The following JAKMIP3 variants were observed in gnomAD, a reference collection of about 807,000 sequenced individuals.
The protein encoded by JAKMIP3 is janus kinase and microtubule-interacting protein 3.
Under a neutral mutation model 118.5 loss-of-function variants are expected in JAKMIP3, and 58 were observed. The ratio of observed to expected loss-of-function variants is 0.49; its 90% CI spans 0.40 to 0.61. The LOEUF (loss-of-function observed/expected upper bound fraction) is 0.61, where lower values mean the gene tolerates loss of function less well. Ranked by LOEUF, JAKMIP3 falls within the 20% of genes least tolerant of loss-of-function variation. The probability of loss-of-function intolerance (pLI) is 0.00; values close to 1 mark genes in which losing one functional copy is unlikely to be tolerated. For missense variants in JAKMIP3, 950 were observed against 1,109.0 expected, an observed-to-expected ratio of 0.86 and a Z score of 2.04; for synonymous variants, 486 against 451.2, an observed-to-expected ratio of 1.08 and a Z score of -0.98.
chr10:132,154,939 GTGATTATGA>G (rs2056849554), intron 19 of JAKMIP3, among the ~76,000 whole-genome samples: 1 of 147,864 alleles, frequency 6.8e-6, no homozygotes, highest in African/African-American at 2.5e-5. Context: ...GGTGATGATG[GTGATTATGA>G]TGGTGATAAT....
chr10:132,178,319 T>C (rs2060379207), intron 23 of JAKMIP3, among the ~76,000 whole-genome samples: 1 of 152,134 alleles, frequency 6.6e-6, no homozygotes, highest in Non-Finnish European at 1.5e-5. Flanking sequence ...ACTGGTCCCC[T>C]CTGTAGAGTT....
chr10:132,171,655 T>C (rs112678086), intron 23 of JAKMIP3, among the ~76,000 whole-genome samples: 67 of 138,900 alleles, frequency 4.8e-4, no homozygotes, highest in African/African-American at 1.9e-3. Flanking sequence ...TTTCTTTCTT[T>C]TTTTTTTTTT....
At chr10:132,068,064 CGTGTGGACTGTGGGTTTCT>C (rs372773275) in intron 1 of JAKMIP3, among the ~76,000 whole-genome samples, 78,820 of 135,022 alleles carry the variant, frequency 0.58, 23,345 homozygotes, top group Admixed American at 0.7. Context: ...TGTGGGCTTC[CGTGTGGACTGTGGGTTTCT>C]GTGTGGACTG....
At chr10:132,073,061 GTTTCTGCAAAAGACATGA>G (rs1373149540) in intron 1 of JAKMIP3, among the ~76,000 whole-genome samples, 1 of 152,176 alleles carries the variant, frequency 6.6e-6, no homozygotes, top group African/African-American at 2.4e-5. Context: ...TTCTATTCAT[GTTTCTGCAAAAGACATGA>G]TTTCATTCTT....
At chr10:132,109,959 C>T (rs898277219) in intron 2 of JAKMIP3, among the ~76,000 whole-genome samples, 3 of 152,166 alleles carry the variant, frequency 2.0e-5, no homozygotes, top group South Asian at 2.1e-4. Context: ...TTACTGTGTC[C>T]GTGCCAAAAG....
At chr10:132,135,802 A>G in intron 5 of JAKMIP3, 128 bp from the exon 6 acceptor site, 1 of 1,008,704 alleles carries the variant, frequency 9.9e-7, no homozygotes, top group Non-Finnish European at 1.4e-6. Context: ...GGAGGCGTGG[A>G]CTTCCCAAGT....
intron 10 of JAKMIP3, among the ~76,000 whole-genome samples, chr10:132,141,524 CAGCAG>C (rs2053516887): frequency 6.6e-6 from 1 of 152,170 alleles, no homozygotes; most frequent in African/African-American, 2.4e-5. Context: ...GGACGTGTTT[CAGCAG>C]AGCAGAGCGT....
chr10:132,151,306 T>A (rs1333098642), intron 16 of JAKMIP3, among the ~76,000 whole-genome samples: 1 of 152,194 alleles, frequency 6.6e-6, no homozygotes, highest in Non-Finnish European at 1.5e-5. Flanking sequence ...CCTCCATCCA[T>A]CCATCTATCC....
intron 16 of JAKMIP3, among the ~76,000 whole-genome samples, chr10:132,150,615 C>T (rs535474286): frequency 1.5e-4 from 23 of 152,278 alleles, no homozygotes; most frequent in South Asian, 8.3e-4. Context: ...TATATCCATC[C>T]ATCTATCTAT....
upstream of JAKMIP3, among the ~76,000 whole-genome samples, chr10:132,060,362 G>C (rs2038357339): frequency 6.6e-6 from 1 of 152,234 alleles, no homozygotes; most frequent in Non-Finnish European, 1.5e-5. Flanking sequence ...GGCAGGCTCT[G>C]AAGAGACAGG....
In JAKMIP3 at chr10:132,112,301, G is replaced by A. The variant is rs193038502; in HGVS notation, c.136-4776G>A. On this transcript the variant is annotated intron_variant, in intron 2 of 23. Coordinates refer to ENST00000684848, the MANE Select transcript of JAKMIP3 (RefSeq NM_001323087.2). This position sits in a 1 kb window ranked among gnomAD's most constrained non-coding sequence, Gnocchi z 4.3. The stretch of plus-strand genomic sequence containing the variant: ...GGTGTGGGAGCGGGGTCTCCGGGTG[G>A]TGGGAGATGCTGCCCAGAGAACAGT... Among the ~76,000 whole-genome samples the A allele has an allele frequency of 6.4e-3, 976 of 152,104 alleles. 10 individuals carry two copies. Among genetic ancestry groups the A allele is most frequent in the Non-Finnish European group, 9.9e-3 (671 of 67,956 alleles).
chr10:132,182,565 G>A lies in JAKMIP3; in HGVS notation c.*1312G>A, dbSNP rs2061589589. 6.6e-6 allele frequency: 1 copy of A among 152,224 alleles called. No individual in the cohort carries two copies. The highest frequency in any genetic ancestry group is 2.4e-5 in the African/African-American group (1 of 41,448). The allele number at this position is 152,224 out of a possible 1,614,324, so 9.4% of individuals were successfully genotyped here. On this transcript the variant is annotated 3_prime_UTR_variant, in exon 24 of 24. Transcript: ENST00000684848. The stretch of plus-strand genomic sequence containing the variant: ...GAGGTGTGTGTGTGTGCTCACTTGT[G>A]TGCACAAGCATGCGTTTATGCATGT...
intron 17 of JAKMIP3, among the ~76,000 whole-genome samples, chr10:132,153,319 C>G (rs1292335334): frequency 6.6e-6 from 1 of 152,186 alleles, no homozygotes; most frequent in Non-Finnish European, 1.5e-5. Context: ...TTCAACTTAC[C>G]CTGACCCCCT....
At chr10:132,051,612 TC>T in intron 1 of JAKMIP3, among the ~76,000 whole-genome samples, 1 of 152,104 alleles carries the variant, frequency 6.6e-6, no homozygotes, top group Non-Finnish European at 1.5e-5. Flanking sequence ...TTTTTTTTTT[TC>T]TTTTTGAGAT....
intron 1 of JAKMIP3, among the ~76,000 whole-genome samples, chr10:132,100,224 C>T (rs1037840535): frequency 9.9e-5 from 15 of 152,184 alleles, no homozygotes; most frequent in Admixed American, 5.2e-4. Context: ...GCTCCCACCC[C>T]GTTGGAGAAC....
intron 1 of JAKMIP3, among the ~76,000 whole-genome samples, chr10:132,046,792 A>C (rs1002598465): frequency 2.0e-5 from 3 of 152,298 alleles, no homozygotes; most frequent in African/African-American, 7.2e-5. Context: ...AATTAACCCA[A>C]GTAGAGAGCT....
chr10:132,103,205 G>A lies in JAKMIP3; in HGVS notation c.-137-1467G>A, dbSNP rs111491244. Among the ~76,000 whole-genome samples the A allele has an allele frequency of 4.6e-3, 701 of 151,972 alleles. 9 individuals are homozygous for A. Among genetic ancestry groups the A allele is most frequent in the African/African-American group, 0.016 (672 of 41,402 alleles). ...TTTTTTCCCTCTGTCGGGGAAAGCT[G>A]GTCATGGTGGGGATGGAAGGAGGCC... is the stretch of plus-strand genomic sequence containing the variant. On this transcript the variant is annotated intron_variant, in intron 1 of 23. Coordinates refer to ENST00000684848, the MANE Select transcript of JAKMIP3 (RefSeq NM_001323087.2).
At chr10:132,045,993 A>G (rs2037902172) in intron 1 of JAKMIP3, among the ~76,000 whole-genome samples, 1 of 152,056 alleles carries the variant, frequency 6.6e-6, no homozygotes, top group South Asian at 2.1e-4. Flanking sequence ...TTTACACACA[A>G]TGAAATGCAT....
chr10:132,040,291 C>T (rs375458650), intron 1 of JAKMIP3, among the ~76,000 whole-genome samples: 2 of 152,228 alleles, frequency 1.3e-5, no homozygotes, highest in East Asian at 1.9e-4. Flanking sequence ...CGGCCGGCTC[C>T]TTGGCCTCAG....
Sources: allele counts gnomAD v4.1 joint callset (sites outside exome capture counted in the v4.1 genomes callset), GRCh38; gene constraint gnomAD v4.1.1; non-coding constraint Gnocchi (gnomAD v3.1); transcripts MANE v1.5; gene names NCBI Gene and HGNC (gene_info 2026-07-23, HGNC 2026-07-21).